Variants in ACAP2 observed in about 807,000 individuals in gnomAD.
ACAP2 encodes the protein arf-GAP with coiled-coil, ANK repeat and PH domain-containing protein 2.
Under a neutral mutation model 115.8 loss-of-function variants are expected in ACAP2, and 39 were observed. The ratio of observed to expected loss-of-function variants is 0.34; its 90% CI spans 0.26 to 0.44. The LOEUF is 0.44. Ranked by LOEUF, ACAP2 falls within the 20% of genes least tolerant of loss-of-function variation. The pLI, the probability that ACAP2 is intolerant of heterozygous loss-of-function variation, is 1.00. For synonymous variants in ACAP2, 289 were observed against 315.8 expected, an observed-to-expected ratio of 0.92 and a Z score of 0.90; for missense variants, 662 against 927.6, an observed-to-expected ratio of 0.71 and a Z score of 3.72.
intron 1 of ACAP2, among the ~76,000 whole-genome samples, chr3:195,421,585 G>C (rs1277116515): frequency 6.6e-6 from 1 of 152,218 alleles, no homozygotes; most frequent in African/African-American, 2.4e-5. Context: ...TAGTGCTGTA[G>C]TCATAGGAAA....
In ACAP2 at chr3:195,278,705, T is replaced by C. The variant is rs1726291894; in HGVS notation, c.*623A>G. ...GGTCTACCTGTACAGCCATTATACA[T>C]ACATACATTAAAGTACTGGACAATA... On this transcript the variant is annotated 3_prime_UTR_variant, in exon 23 of 23. Coordinates refer to ENST00000326793, the MANE Select transcript of ACAP2 (RefSeq NM_012287.6). 6.6e-6 allele frequency: 1 copy of C among 151,950 alleles called. No individual in the cohort carries two copies. Among genetic ancestry groups the C allele is most frequent in the African/African-American group, 2.4e-5 (1 of 41,330 alleles). The allele number at this position is 151,950 out of a possible 1,614,324, so 9.4% of individuals were successfully genotyped here.
intron 6 of ACAP2, among the ~76,000 whole-genome samples, chr3:195,340,787 A>T (rs185395871): frequency 1.3e-5 from 2 of 152,196 alleles, no homozygotes; most frequent in Non-Finnish European, 2.9e-5. Flanking sequence ...GTGTGGGTAC[A>T]CTACAGCAGA....
At chr3:195,385,564 A>C (rs1187301952) in intron 2 of ACAP2, among the ~76,000 whole-genome samples, 1 of 151,962 alleles carries the variant, frequency 6.6e-6, no homozygotes. Context: ...AGATTCTGTT[A>C]AACTTCTAGA....
chr3:195,292,258 C>T lies in ACAP2; in HGVS notation c.1953+7G>A, dbSNP rs184360297. The stretch of plus-strand genomic sequence containing the variant: ...GCTACTGAAAATGTCATTGTATAAA[C>T]GCATACCCCTAATACAGCCTGAATA... On this transcript the variant is annotated splice_region_variant and intron_variant, in intron 19 of 22. Transcript: ENST00000326793. The T allele has an allele frequency of 6.1e-4, 963 of 1,569,860 alleles. 2 individuals are homozygous for T. Among genetic ancestry groups the T allele is most frequent in the Non-Finnish European group, 7.4e-4 (860 of 1,165,878 alleles).
At chr3:195,346,343 T>C (rs955106474) in intron 4 of ACAP2, among the ~76,000 whole-genome samples, 7 of 152,186 alleles carry the variant, frequency 4.6e-5, no homozygotes, top group Non-Finnish European at 1.0e-4. Context: ...TCTTAGCGAA[T>C]ATTATAAAAT....
intron 4 of ACAP2, among the ~76,000 whole-genome samples, chr3:195,366,003 G>A (rs952725383): frequency 1.3e-5 from 2 of 151,938 alleles, no homozygotes; most frequent in Non-Finnish European, 1.5e-5. Flanking sequence ...CACCACACCC[G>A]AATAATTTTT....
At chr3:195,363,070 A>T (rs1350948786) in intron 4 of ACAP2, among the ~76,000 whole-genome samples, 2 of 152,212 alleles carry the variant, frequency 1.3e-5, no homozygotes. Flanking sequence ...CCACCAAAAA[A>T]ACTATTACAA....
At chr3:195,335,809 C>T (rs1375011715) in intron 7 of ACAP2, 4 of 150,578 alleles carry the variant, frequency 2.7e-5, no homozygotes, top group Non-Finnish European at 4.4e-5. Flanking sequence ...GTAAGTAATT[C>T]AGAGTTGAGA....
intron 1 of ACAP2, among the ~76,000 whole-genome samples, chr3:195,437,829 A>C (rs1388689859): frequency 6.7e-6 from 1 of 149,014 alleles, no homozygotes; most frequent in Admixed American, 6.6e-5. Context: ...AAAAAAAAAA[A>C]AAAAAGCAAA....
chr3:195,328,550 C>T (rs1053916267), intron 8 of ACAP2, among the ~76,000 whole-genome samples: 1 of 152,142 alleles, frequency 6.6e-6, no homozygotes, highest in Non-Finnish European at 1.5e-5. Flanking sequence ...GTGGGTAATA[C>T]CGTACATGGT....
At chr3:195,324,427 G>A (rs938560212) in intron 9 of ACAP2, among the ~76,000 whole-genome samples, 1 of 152,056 alleles carries the variant, frequency 6.6e-6, no homozygotes, top group South Asian at 2.1e-4. Context: ...AAGGAAACTA[G>A]ATCTCTACCT....
Position 195,442,893 on chromosome 3 carries a change from CGGGA to C in ACAP2, c.-50_-47del. 6.7e-7 allele frequency: 1 copy of C among 1,485,926 alleles called. No individual in the cohort carries two copies. The highest frequency in any genetic ancestry group is 9.0e-7 in the Non-Finnish European group (1 of 1,117,246). The allele number at this position is 1,485,926 out of a possible 1,614,324, so 92.0% of individuals were successfully genotyped here. On this transcript the variant is annotated 5_prime_UTR_variant, in exon 1 of 23. Coordinates refer to ENST00000326793, the MANE Select transcript of ACAP2 (RefSeq NM_012287.6). ...GGCGCTGGCAAAGCCGAGGGGGCCG[CGGGA>C]GCGGCCGCGCTGGGACGCAGACGGC...
At chr3:195,386,361 T>C (rs1734302621) in intron 2 of ACAP2, among the ~76,000 whole-genome samples, 1 of 152,216 alleles carries the variant, frequency 6.6e-6, no homozygotes, top group African/African-American at 2.4e-5. Flanking sequence ...TTACTCACTT[T>C]GAAATACTGG....
At chr3:195,280,739 A>G (rs938611629) in intron 22 of ACAP2, 9 of 152,210 alleles carry the variant, frequency 5.9e-5, no homozygotes, top group Non-Finnish European at 1.0e-4. Flanking sequence ...ATACAGATCA[A>G]TCCCTCAGAC....
chr3:195,295,644 G>A lies in ACAP2; in HGVS notation c.1672+64C>T, dbSNP rs1448603683. ...AAAACGACAATGGCTATTAGTTCAGGGATTATAAAAGTGATTTGAGCTTAA... is the reference window on the plus strand; with the variant it reads ...AAAACGACAATGGCTATTAGTTCAGAGATTATAAAAGTGATTTGAGCTTAA... On this transcript the variant is annotated intron_variant, in intron 17 of 22. Coordinates refer to ENST00000326793, the MANE Select transcript of ACAP2 (RefSeq NM_012287.6). 20 of 1,560,594 alleles carry A rather than the reference G, an allele frequency of 1.3e-5. 1 individual carries two copies. In the South Asian group the frequency reaches 1.9e-4, roughly 15 times the overall value.
chr3:195,369,907 C>T (rs879778461), intron 4 of ACAP2, among the ~76,000 whole-genome samples: 5 of 152,316 alleles, frequency 3.3e-5, no homozygotes, highest in Admixed American at 3.3e-4. Flanking sequence ...CTTTTCTCCA[C>T]AACCTTGGCA....
intron 13 of ACAP2, among the ~76,000 whole-genome samples, chr3:195,305,702 G>A (rs1180835528): frequency 6.6e-6 from 1 of 152,110 alleles, no homozygotes; most frequent in African/African-American, 2.4e-5. Flanking sequence ...TTGCTGACAT[G>A]CCCTTCGTCA....
At position 195,292,418 on chromosome 3, in the gene ACAP2, G is replaced by C. The variant is rs758044240; in HGVS notation, c.1800C>G (p.Asp600Glu). 2 of 1,610,882 alleles carry C rather than the reference G, an allele frequency of 1.2e-6. No homozygotes were observed. Among genetic ancestry groups the C allele is most frequent in the South Asian group, 1.1e-5 (1 of 90,354 alleles). Residue 600 changes from aspartate to glutamate, a missense_variant, in exon 19 of 23, where the codon GAC becomes GAG. Asp to Glu is a conservative substitution (Grantham distance 45, BLOSUM62 2). This residue lies in a region of ACAP2 where 133 missense variants were observed against 123.1 expected (regional missense o/e 1.08). Transcript: ENST00000326793. ...GERQDSSMFL[D>E]SKHLNPGLQL... Reference sequence around the variant, plus strand: ...GAAGTCCTGGATTAAGATGTTTCGAGTCAAGAAACATAGAAGAATCTTGCC... The same window carrying C: ...GAAGTCCTGGATTAAGATGTTTCGACTCAAGAAACATAGAAGAATCTTGCC...
chr3:195,355,177 T>C (rs977267851), intron 4 of ACAP2, among the ~76,000 whole-genome samples: 1 of 152,104 alleles, frequency 6.6e-6, no homozygotes, highest in Non-Finnish European at 1.5e-5. Context: ...TTTTAATACT[T>C]CCATTAGTGT....
Sources: gnomAD v4.1 joint callset for allele counts (sites outside exome capture counted in the v4.1 genomes callset) on GRCh38, gnomAD v4.1.1 for gene constraint, gnomAD v4.1.1 regional missense constraint, MANE v1.5 for transcripts, NCBI Gene and HGNC (gene_info 2026-07-23, HGNC 2026-07-21) for gene names.